SOX5: variants seen among roughly 807,000 people sequenced by gnomAD.
The protein encoded by SOX5 is transcription factor SOX-5.
Under a neutral mutation model 92.0 loss-of-function variants are expected in SOX5, and 9 were observed. The ratio of observed to expected loss-of-function variants is 0.10; its 90% CI spans 0.06 to 0.17. The LOEUF is 0.17. Ranked by LOEUF, SOX5 falls within the 10% of genes least tolerant of loss-of-function variation. SOX5 has a pLI of 1.00. For missense variants in SOX5, 642 were observed against 944.5 expected, an observed-to-expected ratio of 0.68 and a Z score of 4.20; for synonymous variants, 344 against 336.3, an observed-to-expected ratio of 1.02 and a Z score of -0.25.
chr12:24,066,592 A>G (rs752261768), intron 4 of SOX5, among the ~76,000 whole-genome samples: 2 of 152,184 alleles, frequency 1.3e-5, no homozygotes, highest in Non-Finnish European at 2.9e-5. Context: ...TAAATAACTA[A>G]AGAGTTATTT....
chr12:24,488,225 C>G (rs1946714880), intron 1 of SOX5, among the ~76,000 whole-genome samples: 1 of 152,060 alleles, frequency 6.6e-6, no homozygotes. Flanking sequence ...AGGCCATGTC[C>G]TATTATTTAT....
chr12:24,380,978 A>G (rs1257347298), intron 1 of SOX5, among the ~76,000 whole-genome samples: 1 of 152,244 alleles, frequency 6.6e-6, no homozygotes, highest in Non-Finnish European at 1.5e-5. Flanking sequence ...CTATAGGGCA[A>G]GATGCAACAA....
chr12:23,974,680 T>C (rs1030323339), intron 4 of SOX5, among the ~76,000 whole-genome samples: 1 of 152,150 alleles, frequency 6.6e-6, no homozygotes, highest in Non-Finnish European at 1.5e-5. Context: ...GAGTGAATCA[T>C]CTTGCAAGAA....
intron 4 of SOX5, among the ~76,000 whole-genome samples, chr12:24,053,154 C>A (rs935234531): frequency 5.3e-5 from 8 of 149,952 alleles, no homozygotes; most frequent in Non-Finnish European, 1.0e-4. Flanking sequence ...TTTCCAGTAA[C>A]TTTTGAAGCC....
intron 1 of SOX5, among the ~76,000 whole-genome samples, chr12:24,373,213 T>C (rs1258629263): frequency 2.0e-5 from 3 of 152,208 alleles, no homozygotes; most frequent in Non-Finnish European, 4.4e-5. Context: ...AGGAATCTCT[T>C]CCAGTAGTTT....
intron 3 of SOX5, chr12:23,762,496 T>C: frequency 2.3e-6 from 1 of 438,904 alleles, no homozygotes; most frequent in Non-Finnish European, 4.0e-6. Flanking sequence ...ATAAGCTTTA[T>C]TTTTATATGT....
At chr12:23,560,400 ACT>A (rs1946001441) in intron 11 of SOX5, among the ~76,000 whole-genome samples, 1 of 152,166 alleles carries the variant, frequency 6.6e-6, no homozygotes, top group African/African-American at 2.4e-5. Flanking sequence ...TGATTATAAA[ACT>A]CTAATAAAAA....
rs564835441 is a variant in SOX5 at position 24,335,309 on chromosome 12, T to C, written c.-174+33254A>G. On this transcript the variant is annotated intron_variant, in intron 2 of 4. Coordinates refer to the SOX5 transcript ENST00000446891. ...TGCTTCCTTCTCAAATCATTATCCA[T>C]CCATTACACAATTAAAAAAATCTCT... Among the ~76,000 whole-genome samples, 17 of 152,272 alleles carry C rather than the reference T, an allele frequency of 1.1e-4. No individual in the cohort carries two copies. The South Asian group carries it at 3.5e-3, about 32-fold the overall frequency.
intron 1 of SOX5, among the ~76,000 whole-genome samples, chr12:24,443,724 T>G (rs576369185): frequency 6.6e-6 from 1 of 152,360 alleles, no homozygotes. Flanking sequence ...TAATCAGTAT[T>G]GACTCAAATC....
At chr12:23,834,173 C>T (rs968005405) in intron 3 of SOX5, among the ~76,000 whole-genome samples, 1 of 151,672 alleles carries the variant, frequency 6.6e-6, no homozygotes, top group African/African-American at 2.4e-5. Context: ...GTAGGTAAGA[C>T]GGGAAACGAC....
chr12:24,104,710 C>G (rs1400569949), intron 4 of SOX5, among the ~76,000 whole-genome samples: 1 of 152,126 alleles, frequency 6.6e-6, no homozygotes, highest in Non-Finnish European at 1.5e-5. Flanking sequence ...CAGAAACAGT[C>G]CCTTTTCAGA....
chr12:24,188,652 A>AG (rs930088749), intron 4 of SOX5, among the ~76,000 whole-genome samples: 8 of 152,206 alleles, frequency 5.3e-5, no homozygotes, highest in Non-Finnish European at 1.0e-4. Flanking sequence ...AGTTGACTAC[A>AG]GCATCAAGGA....
intron 3 of SOX5, among the ~76,000 whole-genome samples, chr12:24,223,612 A>G (rs1261010231): frequency 6.6e-6 from 1 of 152,072 alleles, no homozygotes; most frequent in East Asian, 1.9e-4. Context: ...TAAATTAGCC[A>G]GGCATGTTGG....
At chr12:24,474,517 C>T (rs749035350) in intron 1 of SOX5, among the ~76,000 whole-genome samples, 1 of 152,002 alleles carries the variant, frequency 6.6e-6, no homozygotes, top group African/African-American at 2.4e-5. Flanking sequence ...AATGATTTTC[C>T]GTAATTATGA....
intron 3 of SOX5, among the ~76,000 whole-genome samples, chr12:23,825,208 C>A (rs1340672198): frequency 6.6e-6 from 1 of 152,146 alleles, no homozygotes; most frequent in Admixed American, 6.5e-5. Flanking sequence ...AAACCCAGGG[C>A]CCTGGTGGTA....
intron 4 of SOX5, among the ~76,000 whole-genome samples, chr12:23,985,308 G>A (rs925343580): frequency 1.3e-5 from 2 of 151,868 alleles, no homozygotes; most frequent in African/African-American, 4.8e-5. Flanking sequence ...TAGCCCAGTG[G>A]TGCAATCAAG....
chr12:24,046,122 C>A (rs778338167), intron 4 of SOX5, among the ~76,000 whole-genome samples: 1 of 152,204 alleles, frequency 6.6e-6, no homozygotes, highest in Non-Finnish European at 1.5e-5. Context: ...ACTGGTGTTA[C>A]TTCACTCTAA....
chr12:24,327,996 TAG>T (rs1286834652), intron 2 of SOX5, among the ~76,000 whole-genome samples: 1 of 152,082 alleles, frequency 6.6e-6, no homozygotes, highest in Admixed American at 6.6e-5. Flanking sequence ...CCAGCCGCAA[TAG>T]AGACTTTTGA....
chr12:23,549,768 T>C (rs1200945077), intron 11 of SOX5, among the ~76,000 whole-genome samples: 2 of 151,942 alleles, frequency 1.3e-5, no homozygotes, highest in African/African-American at 2.4e-5. Context: ...GAGTCTTATC[T>C]GCCTAATCAC....
Sources: gnomAD v4.1 joint callset for allele counts (sites outside exome capture counted in the v4.1 genomes callset) on GRCh38, gnomAD v4.1.1 for gene constraint, MANE v1.5 for transcripts, NCBI Gene and HGNC (gene_info 2026-07-23, HGNC 2026-07-21) for gene names.